The following OR56A3 variants were observed in gnomAD, a reference collection of about 807,000 sequenced individuals.
The protein encoded by OR56A3 is olfactory receptor family 56 subfamily A member 3, also known as olfactory receptor 56A3.
OR56A3 carries 23 observed loss-of-function variants against 17.5 expected under a neutral mutation model. That is an observed-to-expected ratio of 1.32 (90% confidence interval 0.95 to 1.87). The LOEUF is 1.87. OR56A3 is among the 40% of genes most tolerant of loss of function. The probability of loss-of-function intolerance (pLI) is 0.00; values close to 1 mark genes in which losing one functional copy is unlikely to be tolerated. For synonymous variants in OR56A3, 175 were observed against 150.6 expected (o/e 1.16, Z -1.19); for missense variants, 366 against 380.1 (o/e 0.96, Z 0.31).
the OR56A3 span, among the ~76,000 whole-genome samples, chr11:5,956,512 AAAC>A: frequency 6.6e-6 from 1 of 152,210 alleles, no homozygotes; most frequent in South Asian, 2.1e-4. Context: ...ACAAGCAATG[AAAC>A]AACAACTATA....
chr11:6,017,957 G>T, the OR56A3 span, among the ~76,000 whole-genome samples: 1 of 151,856 alleles, frequency 6.6e-6, no homozygotes, highest in African/African-American at 2.4e-5. Flanking sequence ...AAATATTATA[G>T]TAAAAAGAGA....
chr11:5,996,424 G>A, the OR56A3 span, among the ~76,000 whole-genome samples: 1 of 151,900 alleles, frequency 6.6e-6, no homozygotes, highest in African/African-American at 2.4e-5. Flanking sequence ...CAGGCATTAG[G>A]ACTTTCCAGT....
Position 5,950,116 on chromosome 11 carries a change from T to C in OR56A3, c.*1822T>C, listed in dbSNP as rs1847899090. 6.6e-6 allele frequency: 1 copy of C among 152,144 alleles called. No homozygotes were observed. The highest frequency in any genetic ancestry group is 2.4e-5 in the African/African-American group (1 of 41,434). 9.4% of individuals were successfully genotyped at this position (152,144 alleles called of 1,614,324 possible). On this transcript the variant is annotated 3_prime_UTR_variant, in exon 3 of 3. Transcript: ENST00000641160. ...TAAGGTAAATTTAAGCCACCACCTC[T>C]TAGGAAATATTAAAAATCTGAAAGT...
At chr11:5,967,904 C>A in the OR56A3 span, 1 of 1,590,472 alleles carries the variant, frequency 6.3e-7, no homozygotes, top group Non-Finnish European at 8.6e-7. Context: ...AGCTCTGATT[C>A]AAGGTGATGT....
downstream of OR56A3, among the ~76,000 whole-genome samples, chr11:5,955,156 C>T (rs558798126): frequency 6.6e-6 from 1 of 152,202 alleles, no homozygotes; most frequent in East Asian, 1.9e-4. Context: ...ATACCTGGGG[C>T]ATTCAGTAGA....
the OR56A3 span, among the ~76,000 whole-genome samples, chr11:5,964,977 G>A: frequency 6.6e-6 from 1 of 152,072 alleles, no homozygotes; most frequent in Non-Finnish European, 1.5e-5. Context: ...CTTAAAACCA[G>A]GTACTGTGAT....
the OR56A3 span, among the ~76,000 whole-genome samples, chr11:5,975,671 T>C: frequency 1.3e-5 from 2 of 152,168 alleles, no homozygotes; most frequent in African/African-American, 4.8e-5. Context: ...TAAACATACG[T>C]GTGCATGTGT....
the OR56A3 span, among the ~76,000 whole-genome samples, chr11:6,004,780 A>G: frequency 6.6e-6 from 1 of 152,184 alleles, no homozygotes; most frequent in Non-Finnish European, 1.5e-5. Context: ...CTCCTTTCCA[A>G]TAATCTCAAG....
chr11:6,020,883 C>G, the OR56A3 span: 4 of 151,920 alleles, frequency 2.6e-5, no homozygotes, highest in Admixed American at 6.6e-5. Flanking sequence ...TTGCCTTGTG[C>G]CAGTTTTATA....
At chr11:6,011,754 G>A in the OR56A3 span, among the ~76,000 whole-genome samples, 2 of 152,168 alleles carry the variant, frequency 1.3e-5, no homozygotes, top group Non-Finnish European at 2.9e-5. Context: ...ACACCTCCAA[G>A]GGAGACTGGA....
the OR56A3 span, chr11:6,003,157 A>G: frequency 6.5e-7 from 1 of 1,528,724 alleles, no homozygotes; most frequent in Non-Finnish European, 8.8e-7. Flanking sequence ...ATCCTCCCTT[A>G]TATTTAACCA....
chr11:6,003,693 C>G, the OR56A3 span, among the ~76,000 whole-genome samples: 2 of 152,126 alleles, frequency 1.3e-5, no homozygotes, highest in South Asian at 4.1e-4. Flanking sequence ...TGGCCCCCAC[C>G]TGAAATCCAT....
the OR56A3 span, among the ~76,000 whole-genome samples, chr11:5,973,794 C>T: frequency 6.6e-6 from 1 of 152,166 alleles, no homozygotes; most frequent in African/African-American, 2.4e-5. Context: ...GACTTCCTGG[C>T]TTCCAGTTCA....
chr11:5,996,382 G>A, the OR56A3 span, among the ~76,000 whole-genome samples: 1 of 152,126 alleles, frequency 6.6e-6, no homozygotes, highest in Non-Finnish European at 1.5e-5. Context: ...CACATCCAAA[G>A]TTCCCAGCTT....
rs1847858781 is a variant in OR56A3, at chr11:5,944,847, G to A, written c.-272G>A. The stretch of plus-strand genomic sequence containing the variant: ...GAATATCTAAATCTCTTCTATATAT[G>A]AGGTGAAGGGCCATGCCTGGCAGAC... On this transcript the variant is annotated 5_prime_UTR_variant, in exon 2 of 3. It removes an upstream start codon present in the reference 5' UTR. Coordinates refer to ENST00000641160, the MANE Select transcript of OR56A3 (RefSeq NM_001003443.3). 1 of 152,194 alleles carries A rather than the reference G, an allele frequency of 6.6e-6. No individual in the cohort carries two copies. The highest frequency in any genetic ancestry group is 2.4e-5 in the African/African-American group (1 of 41,444). The allele number at this position is 152,194 out of a possible 1,614,324, so 9.4% of individuals were successfully genotyped here.
At chr11:5,951,748 G>A (rs1288371203), downstream of OR56A3, among the ~76,000 whole-genome samples, 8 of 152,242 alleles carry the variant, frequency 5.3e-5, no homozygotes, top group East Asian at 1.9e-4. Context: ...TCAAAAATAC[G>A]CATTCACACT....
chr11:5,981,563 AT>A, the OR56A3 span, among the ~76,000 whole-genome samples: 77 of 152,072 alleles, frequency 5.1e-4, 2 homozygotes, highest in East Asian at 0.014. Context: ...CTCTTCTATC[AT>A]TTTACTGGAT....
chr11:5,960,041 C>A, the OR56A3 span, among the ~76,000 whole-genome samples: 1 of 152,100 alleles, frequency 6.6e-6, no homozygotes, highest in South Asian at 2.1e-4. Flanking sequence ...GTTTTTATGC[C>A]AGTACCGTAC....
At chr11:6,012,614 T>C in the OR56A3 span, among the ~76,000 whole-genome samples, 1 of 152,186 alleles carries the variant, frequency 6.6e-6, no homozygotes, top group Non-Finnish European at 1.5e-5. Context: ...CTCTGGCTGA[T>C]CCAGGGGCTT....
Sources: allele counts gnomAD v4.1 joint callset (sites outside exome capture counted in the v4.1 genomes callset), GRCh38; gene constraint gnomAD v4.1.1; transcripts MANE v1.5; gene names NCBI Gene and HGNC (gene_info 2026-07-23, HGNC 2026-07-21).